Variants in RERE observed in about 807,000 individuals in gnomAD.
RERE encodes arginine-glutamic acid dipeptide repeats protein.
In RERE, 40 loss-of-function variants were observed where a neutral mutation model predicts 146.1. That is an observed-to-expected ratio of 0.27 (90% CI 0.21 to 0.36). The LOEUF (loss-of-function observed/expected upper bound fraction) is 0.36. RERE is among the 10% of genes least tolerant of loss of function. The pLI, the probability that RERE is intolerant of heterozygous loss-of-function variation, is 1.00. For missense variants in RERE, 1,933 were observed against 2,138.7 expected (o/e 0.90, Z 1.90); for synonymous variants, 1,003 against 866.0 (o/e 1.16, Z -2.78).
intron 1 of RERE, among the ~76,000 whole-genome samples, chr1:8,665,001 G>C (rs192450556): frequency 1.5e-4 from 23 of 152,272 alleles, no homozygotes; most frequent in Non-Finnish European, 7.4e-5. Flanking sequence ...TCTGCAAGGT[G>C]CTTATCCTTT....
In RERE at chr1:8,365,998, T is replaced by G. The variant is rs1369581242; in HGVS notation, c.1285-24A>C. Reference sequence around the variant, plus strand: ...CCCTGCAGAAGAGAAGGGCTGACTGTGGGGGAGGGCCTGGGGCTTTTCCGT... The same window carrying G: ...CCCTGCAGAAGAGAAGGGCTGACTGGGGGGGAGGGCCTGGGGCTTTTCCGT... On this transcript the variant is annotated intron_variant, in intron 12 of 22. Coordinates refer to ENST00000400908, the MANE Select transcript of RERE (RefSeq NM_001042681.2). 6 of 1,610,132 alleles carry G rather than the reference T, an allele frequency of 3.7e-6. No individual in the cohort carries two copies. In the South Asian group the frequency reaches 6.6e-5, roughly 18 times the overall value.
rs1477416014 is a variant in RERE, at chr1:8,423,494, T to TTGTC, written c.1204-691_1204-688dup. 1.0e-6 allele frequency: 1 copy of TTGTC among 966,938 alleles called. No individual in the cohort carries two copies. The highest frequency in any genetic ancestry group is 1.8e-5 in the African/African-American group (1 of 56,844). The allele number at this position is 966,938 out of a possible 1,614,324, so 59.9% of individuals were successfully genotyped here. A position where few individuals can be genotyped will look rare whatever the true frequency, so the allele number is the denominator to read the frequency against. On this transcript the variant is annotated intron_variant, in intron 11 of 22. Coordinates refer to ENST00000400908, the MANE Select transcript of RERE (RefSeq NM_001042681.2). This position sits in a 1 kb window ranked among gnomAD's most constrained non-coding sequence, Gnocchi z 5.4. ...TAACCCCAGCCCGGAGACTTTCACTTTGTCCCATGCCTCCCGAGCACCCCT... is the reference window on the plus strand; with the variant it reads ...TAACCCCAGCCCGGAGACTTTCACTTTGTCTGTCCCATGCCTCCCGAGCACCCCT...
intron 10 of RERE, among the ~76,000 whole-genome samples, chr1:8,469,170 AG>A: frequency 6.6e-6 from 1 of 152,324 alleles, no homozygotes; most frequent in South Asian, 2.1e-4. Context: ...ATCGGCCTCA[AG>A]TGTGATCAGC....
At chr1:8,472,377 G>A (rs1194745762) in intron 10 of RERE, among the ~76,000 whole-genome samples, 2 of 152,124 alleles carry the variant, frequency 1.3e-5, no homozygotes, top group African/African-American at 4.8e-5. Flanking sequence ...CTATAGTCAG[G>A]AAATTTAACA....
chr1:8,646,644 TTAAG>T (rs747704159), intron 2 of RERE, among the ~76,000 whole-genome samples: 3 of 152,066 alleles, frequency 2.0e-5, no homozygotes, highest in Non-Finnish European at 4.4e-5. Context: ...TTAGTTAACA[TTAAG>T]TAAGGTGAGC....
chr1:8,659,030 T>C (rs1322758276), intron 1 of RERE, among the ~76,000 whole-genome samples: 2 of 152,254 alleles, frequency 1.3e-5, no homozygotes, highest in Non-Finnish European at 2.9e-5. Flanking sequence ...CTTCCTTCTA[T>C]GTAAGAAACA....
chr1:8,473,355 C>A (rs765781122), intron 10 of RERE, among the ~76,000 whole-genome samples: 1 of 152,168 alleles, frequency 6.6e-6, no homozygotes, highest in Non-Finnish European at 1.5e-5. Flanking sequence ...CCAAGAGGTA[C>A]CAAGCAACTC....
At chr1:8,481,204 C>T (rs1644829527) in intron 10 of RERE, among the ~76,000 whole-genome samples, 1 of 152,194 alleles carries the variant, frequency 6.6e-6, no homozygotes, top group Admixed American at 6.5e-5. Flanking sequence ...GCAGCCTCCA[C>T]CTCCTGGGTT....
At chr1:8,768,912 G>T (rs898333528) in intron 1 of RERE, among the ~76,000 whole-genome samples, 2 of 152,146 alleles carry the variant, frequency 1.3e-5, no homozygotes, top group Admixed American at 1.3e-4. Flanking sequence ...CATCCTTAGG[G>T]GAAAAATGTT....
At chr1:8,611,692 G>T (rs546902507) in intron 4 of RERE, among the ~76,000 whole-genome samples, 1 of 152,186 alleles carries the variant, frequency 6.6e-6, no homozygotes, top group African/African-American at 2.4e-5. Flanking sequence ...GTGAGGAAGA[G>T]GATGGGTGCA....
chr1:8,731,418 T>TA (rs1640079482), intron 1 of RERE, among the ~76,000 whole-genome samples: 1 of 152,120 alleles, frequency 6.6e-6, no homozygotes, highest in Non-Finnish European at 1.5e-5. Flanking sequence ...AAAGGACAAT[T>TA]ACTCAACTCC....
intron 7 of RERE, among the ~76,000 whole-genome samples, chr1:8,524,323 A>C (rs539838214): frequency 6.6e-6 from 1 of 152,192 alleles, no homozygotes; most frequent in Non-Finnish European, 1.5e-5. Context: ...CCCAAAATTG[A>C]ATCTGTAAGA....
chr1:8,602,215 C>A (rs553825981), intron 4 of RERE, among the ~76,000 whole-genome samples: 10 of 151,946 alleles, frequency 6.6e-5, no homozygotes, highest in African/African-American at 2.4e-4. Flanking sequence ...ATGGTGAAAC[C>A]CCGTCTCTAC....
intron 17 of RERE, 52 bp downstream of exon 17, chr1:8,361,711 G>T: frequency 6.7e-7 from 1 of 1,501,044 alleles, no homozygotes; most frequent in Non-Finnish European, 9.3e-7. Flanking sequence ...CCGGCTGGGG[G>T]CTTCTGAAGA....
At chr1:8,572,776 C>T (rs533103197) in intron 4 of RERE, among the ~76,000 whole-genome samples, 162 of 152,234 alleles carry the variant, frequency 1.1e-3, no homozygotes, top group African/African-American at 3.8e-3. Flanking sequence ...TCTAAAATGT[C>T]CAATAACGGT....
At chr1:8,407,593 A>C (rs1643485314) in intron 12 of RERE, among the ~76,000 whole-genome samples, 1 of 151,954 alleles carries the variant, frequency 6.6e-6, no homozygotes, top group South Asian at 2.1e-4. Flanking sequence ...CCACCCCATG[A>C]CCTGGACAAG....
At chr1:8,412,117 G>A (rs1643632706) in intron 12 of RERE, among the ~76,000 whole-genome samples, 3 of 152,058 alleles carry the variant, frequency 2.0e-5, no homozygotes, top group South Asian at 2.1e-4. Flanking sequence ...ATGCTGCTCC[G>A]GCCCCGAAAA....
chr1:8,663,818 T>C (rs896422671), intron 1 of RERE, among the ~76,000 whole-genome samples: 1 of 152,104 alleles, frequency 6.6e-6, no homozygotes. Flanking sequence ...CCCTCCTGCA[T>C]GCTCCTCCTG....
chr1:8,567,781 A>G (rs1422897191), intron 4 of RERE, among the ~76,000 whole-genome samples: 1 of 152,194 alleles, frequency 6.6e-6, no homozygotes, highest in Non-Finnish European at 1.5e-5. Context: ...CTCATCTGTA[A>G]ACTACAAGGC....
Sources: allele counts gnomAD v4.1 joint callset (sites outside exome capture counted in the v4.1 genomes callset), GRCh38; gene constraint gnomAD v4.1.1; non-coding constraint Gnocchi (gnomAD v3.1); transcripts MANE v1.5; gene names NCBI Gene and HGNC (gene_info 2026-07-23, HGNC 2026-07-21).